Variants in IGSF11 observed in about 807,000 individuals in gnomAD.
IGSF11 encodes the protein immunoglobulin superfamily member 11.
In IGSF11, 22 loss-of-function variants were observed where a neutral mutation model predicts 41.0. The observed-to-expected ratio is 0.54, with a 90% CI of 0.38 to 0.77. The LOEUF (loss-of-function observed/expected upper bound fraction) is 0.77, where lower values mean the gene tolerates loss of function less well. Among genes scored for constraint, IGSF11 ranks in the 30% least tolerant of loss-of-function variants. The probability of loss-of-function intolerance (pLI) is 0.00; values close to 1 mark genes in which losing one functional copy is unlikely to be tolerated. For synonymous variants in IGSF11, 219 were observed against 201.3 expected, an observed-to-expected ratio of 1.09 and a Z score of -0.74; for missense variants, 444 against 530.8, an observed-to-expected ratio of 0.84 and a Z score of 1.61.
intron 1 of IGSF11, among the ~76,000 whole-genome samples, chr3:119,056,946 T>G (rs1037977741): frequency 6.6e-6 from 1 of 152,180 alleles, no homozygotes; most frequent in Admixed American, 6.5e-5. Flanking sequence ...ATATTCTCAA[T>G]AAATTAGGTA....
chr3:119,022,703 C>A (rs1159709829), intron 1 of IGSF11, among the ~76,000 whole-genome samples: 1 of 152,094 alleles, frequency 6.6e-6, no homozygotes, highest in Non-Finnish European at 1.5e-5. Flanking sequence ...ATGCACCTAT[C>A]AGAATGGCTG....
intron 1 of IGSF11, among the ~76,000 whole-genome samples, chr3:119,110,914 T>G (rs916663400): frequency 6.6e-6 from 1 of 151,892 alleles, no homozygotes; most frequent in Non-Finnish European, 1.5e-5. Context: ...TGTTGAATAT[T>G]GGCCCCCACT....
intron 1 of IGSF11, among the ~76,000 whole-genome samples, chr3:119,040,358 C>A (rs1941073338): frequency 6.6e-6 from 1 of 152,168 alleles, no homozygotes. Flanking sequence ...CTTAAAAACT[C>A]TGCTCCCTGA....
At chr3:119,096,216 G>A (rs1478944213) in intron 1 of IGSF11, among the ~76,000 whole-genome samples, 1 of 151,532 alleles carries the variant, frequency 6.6e-6, no homozygotes, top group African/African-American at 2.4e-5. Flanking sequence ...CCTACTGGTG[G>A]GCATACTCAC....
intron 1 of IGSF11, among the ~76,000 whole-genome samples, chr3:119,089,509 G>A (rs190548754): frequency 1.5e-3 from 221 of 152,234 alleles, no homozygotes; most frequent in African/African-American, 5.0e-3. Flanking sequence ...TTCTCCTTTA[G>A]AATTGGAACA....
intron 1 of IGSF11, among the ~76,000 whole-genome samples, chr3:119,056,882 T>A (rs1941862494): frequency 1.3e-5 from 2 of 152,210 alleles, no homozygotes; most frequent in African/African-American, 4.8e-5. Context: ...CACATGATTA[T>A]CTCAATAGAT....
intron 1 of IGSF11, among the ~76,000 whole-genome samples, chr3:119,014,549 A>G (rs538830723): frequency 2.2e-4 from 34 of 152,352 alleles, no homozygotes; most frequent in Non-Finnish European, 3.8e-4. Context: ...AGAAGTTAAA[A>G]TTAGTTTGAA....
At chr3:119,014,746 G>T (rs1442856071) in intron 1 of IGSF11, among the ~76,000 whole-genome samples, 1 of 152,190 alleles carries the variant, frequency 6.6e-6, no homozygotes, top group Non-Finnish European at 1.5e-5. Flanking sequence ...GGAGGAAAGA[G>T]TTGAGTATAG....
chr3:119,007,285 G>A (rs372938282), intron 1 of IGSF11, among the ~76,000 whole-genome samples: 12 of 138,768 alleles, frequency 8.6e-5, no homozygotes, highest in South Asian at 4.7e-4. Context: ...GACCCCTTGC[G>A]CTTCCCAGGT....
At chr3:119,015,206 T>C (rs1454638065) in intron 1 of IGSF11, among the ~76,000 whole-genome samples, 1 of 152,228 alleles carries the variant, frequency 6.6e-6, no homozygotes, top group Non-Finnish European at 1.5e-5. Flanking sequence ...CCTAAATACC[T>C]TCCCTCTGTA....
chr3:118,944,808 G>C (rs1300924596), intron 1 of IGSF11: 1 of 152,134 alleles, frequency 6.6e-6, no homozygotes, highest in Non-Finnish European at 1.5e-5. Context: ...TTTATATAAA[G>C]CTTAGTAACA....
chr3:118,999,532 T>C (rs997963025), intron 1 of IGSF11, among the ~76,000 whole-genome samples: 6 of 152,140 alleles, frequency 3.9e-5, no homozygotes, highest in Non-Finnish European at 5.9e-5. Context: ...GTTCCTTCAC[T>C]CTTCAGGACT....
chr3:119,093,317 A>G (rs945394582), intron 1 of IGSF11, among the ~76,000 whole-genome samples: 19 of 152,116 alleles, frequency 1.2e-4, no homozygotes, highest in African/African-American at 3.9e-4. Context: ...CTTCATATCA[A>G]TGGAATGAGC....
At chr3:119,140,099 AAT>A (rs2077621409) in intron 1 of IGSF11, among the ~76,000 whole-genome samples, 1 of 152,116 alleles carries the variant, frequency 6.6e-6, no homozygotes, top group Non-Finnish European at 1.5e-5. Context: ...AGGAACAAAA[AAT>A]ATATGACATA....
intron 1 of IGSF11, among the ~76,000 whole-genome samples, chr3:119,007,470 G>A (rs1485790383): frequency 6.6e-6 from 1 of 151,826 alleles, no homozygotes; most frequent in Non-Finnish European, 1.5e-5. Context: ...GTTCCTATTC[G>A]GCCATCTTGG....
intron 1 of IGSF11, among the ~76,000 whole-genome samples, chr3:119,123,584 A>G (rs2077361516): frequency 6.6e-6 from 1 of 152,184 alleles, no homozygotes; most frequent in Non-Finnish European, 1.5e-5. Context: ...AGTATGATGC[A>G]CTGCAGCAGT....
intron 1 of IGSF11, among the ~76,000 whole-genome samples, chr3:119,116,681 G>A (rs1258909137): frequency 6.6e-6 from 1 of 152,184 alleles, no homozygotes; most frequent in Non-Finnish European, 1.5e-5. Flanking sequence ...GGGAGGAGAG[G>A]AGCCTGAGTC....
chr3:118,909,248 G>T (rs1939980464), intron 4 of IGSF11, among the ~76,000 whole-genome samples: 1 of 151,926 alleles, frequency 6.6e-6, no homozygotes, highest in Non-Finnish European at 1.5e-5. Flanking sequence ...TTTAAATAAT[G>T]AGTAACTATA....
At position 118,967,774 on chromosome 3, in the gene IGSF11, G is replaced by A. The variant is rs1216650507; in HGVS notation, c.53-37499C>T. ...TAAATAAGCAAATGAGAAAGCAAGT[G>A]AATACATATAGTTGTATTGTTTTCC... On this transcript the variant is annotated intron_variant, in intron 1 of 6. Coordinates refer to ENST00000393775, the MANE Select transcript of IGSF11 (RefSeq NM_001015887.3). 2.0e-5 allele frequency among the ~76,000 whole-genome samples: 3 copies of A among 152,188 alleles called. No individual in the cohort carries two copies. The East Asian group carries it at 5.8e-4, about 29-fold the overall frequency.
Sources: allele counts gnomAD v4.1 joint callset (sites outside exome capture counted in the v4.1 genomes callset), GRCh38; gene constraint gnomAD v4.1.1; transcripts MANE v1.5; gene names NCBI Gene and HGNC (gene_info 2026-07-23, HGNC 2026-07-21).